Variants in CACNA1E observed in about 807,000 individuals in gnomAD.
CACNA1E encodes voltage-dependent R-type calcium channel subunit alpha-1E.
Under a neutral mutation model 259.2 loss-of-function variants are expected in CACNA1E, and 40 were observed. The ratio of observed to expected loss-of-function variants is 0.15; its 90% CI spans 0.12 to 0.20. The LOEUF (loss-of-function observed/expected upper bound fraction) is 0.20, where lower values mean the gene tolerates loss of function less well. Ranked by LOEUF, CACNA1E falls within the 10% of genes least tolerant of loss-of-function variation. The pLI is 1.00. For missense variants in CACNA1E, 1,874 were observed against 3,040.1 expected, an observed-to-expected ratio of 0.62 and a Z score of 9.02; for synonymous variants, 1,104 against 1,138.5, an observed-to-expected ratio of 0.97 and a Z score of 0.61.
intron 3 of CACNA1E, among the ~76,000 whole-genome samples, chr1:181,566,390 C>A (rs754363284): frequency 6.6e-6 from 1 of 152,088 alleles, no homozygotes; most frequent in African/African-American, 2.4e-5. Context: ...GTTTCTTTTT[C>A]TTTTTGTTAT....
chr1:181,675,808 AATGCC>A (rs1649313235), intron 7 of CACNA1E, among the ~76,000 whole-genome samples: 2 of 152,152 alleles, frequency 1.3e-5, no homozygotes, highest in Non-Finnish European at 2.9e-5. Flanking sequence ...CAGGGGTTGG[AATGCC>A]TTTGCAGCCT....
At chr1:181,790,318 C>A (rs1572901499) in intron 43 of CACNA1E, 127 bp from the exon 44 acceptor site, 24 of 431,622 alleles carry the variant, frequency 5.6e-5, no homozygotes, top group South Asian at 9.2e-5. Flanking sequence ...AATTTCAGGA[C>A]TAGCCACATG....
intron 3 of CACNA1E, among the ~76,000 whole-genome samples, chr1:181,538,302 A>G (rs1668323395): frequency 6.6e-6 from 1 of 152,224 alleles, no homozygotes; most frequent in Non-Finnish European, 1.5e-5. Context: ...ACTGAAAAAT[A>G]TATCTGCTTT....
chr1:181,619,451 T>C (rs1655528524), intron 6 of CACNA1E, among the ~76,000 whole-genome samples: 1 of 152,140 alleles, frequency 6.6e-6, no homozygotes, highest in African/African-American at 2.4e-5. Context: ...GGTAGAATCC[T>C]GTAGGTCATG....
chr1:181,653,454 C>T (rs1224397043), intron 7 of CACNA1E, among the ~76,000 whole-genome samples: 1 of 152,204 alleles, frequency 6.6e-6, no homozygotes, highest in Non-Finnish European at 1.5e-5. Flanking sequence ...GATTGTGAGG[C>T]CTCCCCAGCC....
rs202038222 is a variant in CACNA1E, at chr1:181,528,150, G to GC, written c.512+16640_512+16641insC. ...ATGTTGTGGGAGGGGCCCGGGGTGG[G>GC]GGGGGCAGTAATTGAATCATGGGGG... On this transcript the variant is annotated intron_variant, in intron 3 of 47. Coordinates refer to ENST00000367573, the MANE Select transcript of CACNA1E (RefSeq NM_001205293.3). Among the ~76,000 whole-genome samples, 40 of 150,998 alleles carry GC rather than the reference G, an allele frequency of 2.6e-4. 1 individual carries two copies. The East Asian group carries it at 7.0e-3, about 26-fold the overall frequency.
At chr1:181,534,773 T>A (rs1030788555) in intron 3 of CACNA1E, among the ~76,000 whole-genome samples, 2 of 152,126 alleles carry the variant, frequency 1.3e-5, no homozygotes, top group Admixed American at 6.6e-5. Context: ...GAAGCGATTT[T>A]AAAGTGAGGC....
At chr1:181,351,404 T>C (rs2804701) in intron 1 of CACNA1E, among the ~76,000 whole-genome samples, 20,010 of 152,270 alleles carry the variant, frequency 0.13, 2,537 homozygotes, top group African/African-American at 0.33. Flanking sequence ...AAGATGGCCA[T>C]AAGTTCCCCA....
At chr1:181,750,892 C>A (rs1657534377) in intron 26 of CACNA1E, among the ~76,000 whole-genome samples, 1 of 151,934 alleles carries the variant, frequency 6.6e-6, no homozygotes, top group Non-Finnish European at 1.5e-5. Context: ...ACATTCTGGG[C>A]AAAGTCAGCA....
chr1:181,405,356 G>A (rs769948781), intron 1 of CACNA1E, among the ~76,000 whole-genome samples: 2 of 152,236 alleles, frequency 1.3e-5, no homozygotes, highest in Non-Finnish European at 2.9e-5. Context: ...TGCTGCAGTG[G>A]TTTGGACAAA....
chr1:181,710,919 C>T (rs763748006), intron 7 of CACNA1E, 35 bp from the exon 8 acceptor site: 2 of 1,467,406 alleles, frequency 1.4e-6, no homozygotes, highest in African/African-American at 2.8e-5. Context: ...ATGGCCCTGT[C>T]CAAACCCAGT....
intron 1 of CACNA1E, among the ~76,000 whole-genome samples, chr1:181,367,577 CTATAA>C (rs1654373040): frequency 7.0e-6 from 1 of 142,898 alleles, no homozygotes; most frequent in African/African-American, 2.5e-5. Context: ...TATTATAATA[CTATAA>C]TATATAATAT....
intron 2 of CACNA1E, among the ~76,000 whole-genome samples, chr1:181,433,313 G>A (rs374117671): frequency 1.3e-5 from 2 of 152,114 alleles, no homozygotes; most frequent in Admixed American, 6.5e-5. Flanking sequence ...GTGCTTTCCT[G>A]ATTTGGAATC....
intron 6 of CACNA1E, among the ~76,000 whole-genome samples, chr1:181,646,804 A>T (rs368581632): frequency 6.6e-6 from 1 of 152,078 alleles, no homozygotes; most frequent in Non-Finnish European, 1.5e-5. Flanking sequence ...GATTAATGTG[A>T]TAATTACCAT....
rs1052016683 is a variant in CACNA1E, at chr1:181,751,029, C to T, written c.3731+542C>T. On this transcript the variant is annotated intron_variant, in intron 26 of 47. Transcript: ENST00000367573. ...GCAGGAAGGTCAGGGGGAAAGCAGC[C>T]GGAAGCCTTGCAGTTCCCACCTGAT... Among the ~76,000 whole-genome samples the T allele has an allele frequency of 4.6e-5, 7 of 152,206 alleles. No individual in the cohort carries two copies. The East Asian group carries it at 1.2e-3, about 25-fold the overall frequency.
intron 1 of CACNA1E, among the ~76,000 whole-genome samples, chr1:181,349,319 C>T (rs546684372): frequency 2.0e-5 from 3 of 152,318 alleles, no homozygotes; most frequent in South Asian, 2.1e-4. Flanking sequence ...GAGCAGGCAG[C>T]GATTGCTCTC....
At chr1:181,567,930 T>G (rs1462009719) in intron 3 of CACNA1E, among the ~76,000 whole-genome samples, 1 of 152,196 alleles carries the variant, frequency 6.6e-6, no homozygotes, top group African/African-American at 2.4e-5. Context: ...TGTAATTTTA[T>G]GTATGTGTGT....
chr1:181,578,405 AAG>A (rs1651187406), intron 4 of CACNA1E, among the ~76,000 whole-genome samples: 1 of 152,092 alleles, frequency 6.6e-6, no homozygotes, highest in Non-Finnish European at 1.5e-5. Context: ...AAATAGAAAA[AAG>A]TAAAAAAAAT....
At chr1:181,501,442 G>T (rs1318349723) in intron 1 of CACNA1E, among the ~76,000 whole-genome samples, 2 of 152,194 alleles carry the variant, frequency 1.3e-5, no homozygotes, top group African/African-American at 4.8e-5. Flanking sequence ...AGGGTCCTGG[G>T]AGTCAGATGG....
Sources: allele counts gnomAD v4.1 joint callset (sites outside exome capture counted in the v4.1 genomes callset), GRCh38; gene constraint gnomAD v4.1.1; transcripts MANE v1.5; gene names NCBI Gene and HGNC (gene_info 2026-07-23, HGNC 2026-07-21).